The following GRIK2 variants were observed in gnomAD, a reference collection of about 807,000 sequenced individuals.
The protein encoded by GRIK2 is glutamate ionotropic receptor kainate type subunit 2.
In GRIK2, 32 loss-of-function variants were observed where a neutral mutation model predicts 100.3. The observed-to-expected ratio is 0.32, with a 90% CI of 0.24 to 0.43. The LOEUF is 0.43. GRIK2 is among the 20% of genes least tolerant of loss of function. The pLI, the probability that GRIK2 is intolerant of heterozygous loss-of-function variation, is 1.00. For synonymous variants in GRIK2, 417 were observed against 389.4 expected, an observed-to-expected ratio of 1.07 and a Z score of -0.83; for missense variants, 843 against 1,114.9, an observed-to-expected ratio of 0.76 and a Z score of 3.47.
intron 7 of GRIK2, among the ~76,000 whole-genome samples, chr6:101,784,697 A>C (rs1214883703): frequency 1.3e-5 from 2 of 152,034 alleles, no homozygotes; most frequent in African/African-American, 4.8e-5. Flanking sequence ...ATGAGATCTG[A>C]TGGTTTTATA....
chr6:101,957,633 G>T (rs1047276746), intron 14 of GRIK2, among the ~76,000 whole-genome samples: 1 of 151,916 alleles, frequency 6.6e-6, no homozygotes, highest in Non-Finnish European at 1.5e-5. Context: ...CATTTTCAAA[G>T]GTTCCCTTCA....
At chr6:101,458,492 A>G (rs774497357) in intron 2 of GRIK2, among the ~76,000 whole-genome samples, 4 of 152,342 alleles carry the variant, frequency 2.6e-5, no homozygotes, top group Non-Finnish European at 4.4e-5. Flanking sequence ...GGGCTGTCCC[A>G]GCCTCCTGCA....
intron 2 of GRIK2, chr6:101,620,065 G>T (rs527739449): frequency 2.6e-5 from 4 of 152,506 alleles, no homozygotes; most frequent in Admixed American, 2.6e-4. Flanking sequence ...ATTCTATGCA[G>T]TAACCTCCCT....
intron 11 of GRIK2, among the ~76,000 whole-genome samples, chr6:101,888,717 G>A (rs1475175804): frequency 1.3e-5 from 2 of 151,800 alleles, no homozygotes; most frequent in Non-Finnish European, 2.9e-5. Context: ...AAACATGGAG[G>A]GATAATTTCA....
intron 14 of GRIK2, among the ~76,000 whole-genome samples, chr6:101,978,901 T>C (rs1188437432): frequency 6.6e-6 from 1 of 152,004 alleles, no homozygotes; most frequent in African/African-American, 2.4e-5. Flanking sequence ...CTAATACTAC[T>C]TAATGGCAGA....
intron 12 of GRIK2, among the ~76,000 whole-genome samples, chr6:101,906,570 C>T (rs1384436953): frequency 6.6e-6 from 1 of 151,464 alleles, no homozygotes; most frequent in Admixed American, 6.6e-5. Context: ...TGGGAAGGCA[C>T]CAGATGCTAT....
rs1431919957 is a variant in GRIK2 at position 101,938,227 on chromosome 6, A to G, written c.2085+9595A>G. ...TCTTATTTAAAGATAATACTGTACTATTTTTCCCCTTGGGAGCAAGCAAGA... is the reference window on the plus strand; with the variant it reads ...TCTTATTTAAAGATAATACTGTACTGTTTTTCCCCTTGGGAGCAAGCAAGA... On this transcript the variant is annotated intron_variant, in intron 14 of 16. Transcript: ENST00000369134. Among the ~76,000 whole-genome samples the G allele has an allele frequency of 4.0e-5, 6 of 151,760 alleles. No homozygotes were observed. The South Asian group carries it at 1.2e-3, about 32-fold the overall frequency.
intron 14 of GRIK2, among the ~76,000 whole-genome samples, chr6:101,934,196 G>T (rs1329067518): frequency 6.6e-6 from 1 of 151,866 alleles, no homozygotes. Flanking sequence ...ACCAAGGAAT[G>T]CATAGTATCA....
chr6:102,015,237 TG>T (rs1795772993), intron 14 of GRIK2, among the ~76,000 whole-genome samples: 1 of 152,152 alleles, frequency 6.6e-6, no homozygotes, highest in African/African-American at 2.4e-5. Flanking sequence ...ACGTCTGTTT[TG>T]TTTGAAATTA....
intron 2 of GRIK2, among the ~76,000 whole-genome samples, chr6:101,512,253 G>A (rs1332455534): frequency 6.6e-6 from 1 of 151,710 alleles, no homozygotes; most frequent in Non-Finnish European, 1.5e-5. Flanking sequence ...TATATGGTAT[G>A]GTATATGTAT....
rs201118964 is a variant in GRIK2, at chr6:101,895,712, CA to C, written c.1748+5857del. 4.0e-5 allele frequency among the ~76,000 whole-genome samples: 6 copies of C among 150,718 alleles called. No individual in the cohort carries two copies. In the South Asian group the frequency reaches 8.3e-4, roughly 21 times the overall value. On this transcript the variant is annotated intron_variant, in intron 12 of 16. Transcript: ENST00000369134. ...TGCCACCAACTTGCCAGCTTTTTAC[CA>C]AAAAAAACGATTTCAATTTTAACTT...
intron 7 of GRIK2, among the ~76,000 whole-genome samples, chr6:101,759,587 G>A (rs933363181): frequency 1.3e-5 from 2 of 152,054 alleles, no homozygotes; most frequent in Non-Finnish European, 2.9e-5. Context: ...GGGGACATAT[G>A]GCTGTTAAGT....
At chr6:101,397,508 C>T (rs1234037154) in intron 1 of GRIK2, among the ~76,000 whole-genome samples, 1 of 152,158 alleles carries the variant, frequency 6.6e-6, no homozygotes, top group Non-Finnish European at 1.5e-5. Context: ...ATTCATGATA[C>T]TTATTTTTGA....
intron 14 of GRIK2, among the ~76,000 whole-genome samples, chr6:101,961,053 G>C (rs184164210): frequency 3.3e-5 from 5 of 152,110 alleles, no homozygotes; most frequent in Admixed American, 3.3e-4. Context: ...ACAGGGAGAG[G>C]TTATAGTGAA....
chr6:101,839,696 A>G (rs1457880849), intron 10 of GRIK2, among the ~76,000 whole-genome samples: 2 of 152,130 alleles, frequency 1.3e-5, no homozygotes, highest in Non-Finnish European at 2.9e-5. Flanking sequence ...GAATTATGGA[A>G]GACTCTAAAG....
rs2518195 is a variant in GRIK2 at position 101,836,814 on chromosome 6, C to T, written c.1317+18331C>T. On this transcript the variant is annotated intron_variant, in intron 10 of 16. Transcript: ENST00000369134. Reference sequence around the variant, plus strand: ...CCGAGTAGCTGGGACTACAAATGCACGCCACCACGCCTGGCTAATTTTTGT... The same window carrying T: ...CCGAGTAGCTGGGACTACAAATGCATGCCACCACGCCTGGCTAATTTTTGT... 1.0e-3 allele frequency among the ~76,000 whole-genome samples: 154 copies of T among 150,736 alleles called. 2 individuals carry two copies. Among genetic ancestry groups the T allele is most frequent in the African/African-American group, 3.1e-3 (126 of 41,056 alleles).
At chr6:101,464,666 GCCA>G (rs1297901191) in intron 2 of GRIK2, among the ~76,000 whole-genome samples, 1 of 151,258 alleles carries the variant, frequency 6.6e-6, no homozygotes, top group Non-Finnish European at 1.5e-5. Context: ...ACAGGCACTC[GCCA>G]CCATGCCTGG....
In GRIK2 at chr6:101,978,269, A is replaced by G. The variant is rs945773767; in HGVS notation, c.2085+49637A>G. Reference sequence around the variant, plus strand: ...GAGTGGTCTCTTCATCAGGGAACTGAGAGTTGTTATATGCACTTAATTATA... The same window carrying G: ...GAGTGGTCTCTTCATCAGGGAACTGGGAGTTGTTATATGCACTTAATTATA... On this transcript the variant is annotated intron_variant, in intron 14 of 16. Coordinates refer to ENST00000369134, the MANE Select transcript of GRIK2 (RefSeq NM_021956.5). Among the ~76,000 whole-genome samples the G allele has an allele frequency of 5.9e-5, 9 of 152,070 alleles. 2 individuals are homozygous for G. The South Asian group carries it at 1.7e-3, about 28-fold the overall frequency.
chr6:101,916,036 T>G (rs1385924846), intron 12 of GRIK2, among the ~76,000 whole-genome samples: 1 of 151,454 alleles, frequency 6.6e-6, no homozygotes, highest in African/African-American at 2.4e-5. Flanking sequence ...CAATATTCTA[T>G]TCCATGTGAA....
Sources: allele counts gnomAD v4.1 joint callset (sites outside exome capture counted in the v4.1 genomes callset), GRCh38; gene constraint gnomAD v4.1.1; transcripts MANE v1.5; gene names NCBI Gene and HGNC (gene_info 2026-07-23, HGNC 2026-07-21).